Variants in LRRC51 observed in about 807,000 individuals in gnomAD.
LRRC51 encodes the protein leucine rich repeat containing 51, also known as leucine-rich repeat-containing protein 51.
Under a neutral mutation model 17.8 loss-of-function variants are expected in LRRC51, and 8 were observed. That is an observed-to-expected ratio of 0.45 (90% confidence interval 0.26 to 0.81). The LOEUF is 0.81. Among genes scored for constraint, LRRC51 ranks in the 30% least tolerant of loss-of-function variants. The pLI is 0.17. For synonymous variants in LRRC51, 92 were observed against 96.0 expected (o/e 0.96, Z 0.24); for missense variants, 233 against 239.3 (o/e 0.97, Z 0.17).
At chr11:72,086,176 T>G in intron 1 of LRRC51, 1 of 520,614 alleles carries the variant, frequency 1.9e-6, no homozygotes. Context: ...AAGAAAGGCT[T>G]TATAGAAGAG....
chr11:72,093,138 GTTAA>G (rs747377796), intron 3 of LRRC51, among the ~76,000 whole-genome samples: 2 of 152,208 alleles, frequency 1.3e-5, no homozygotes, highest in African/African-American at 2.4e-5. Flanking sequence ...TTTACCAGTA[GTTAA>G]TTCAGGATTT....
rs673478 is a variant in LRRC51 at position 72,088,058 on chromosome 11, G to A, written c.-139-239G>A. On this transcript the variant is annotated intron_variant, in intron 1 of 5. Transcript: ENST00000289488. ...AATGAGAAAGGGGAGGTCGACTGGG[G>A]CAAGTTCTTGTCCTTATCCTTGTCA... Among the ~76,000 whole-genome samples, 135,381 of 152,144 alleles carry A rather than the reference G, an allele frequency of 0.89. 60,475 individuals are homozygous for A. The highest frequency in any genetic ancestry group is 0.95 in the Non-Finnish European group (64,296 of 68,024).
At chr11:72,082,279 A>G (rs933765363) in intron 1 of LRRC51, among the ~76,000 whole-genome samples, 1 of 152,228 alleles carries the variant, frequency 6.6e-6, no homozygotes, top group African/African-American at 2.4e-5. Flanking sequence ...GACCATGATT[A>G]GCTGGTTTCT....
chr11:72,094,492 C>G (rs916693283), intron 4 of LRRC51: 11 of 578,154 alleles, frequency 1.9e-5, no homozygotes, highest in Non-Finnish European at 3.1e-5. Flanking sequence ...TTTTCTAGTC[C>G]AAGATCCCTA....
intron 3 of LRRC51, 137 bp downstream of exon 3, chr11:72,089,302 G>T: frequency 6.6e-7 from 1 of 1,519,924 alleles, no homozygotes; most frequent in Non-Finnish European, 8.9e-7. Flanking sequence ...CTGTCTTTTG[G>T]AGGGTAGGGG....
Position 72,096,678 on chromosome 11 carries a change from G to A in LRRC51, c.*1158G>A, listed in dbSNP as rs1279256284. On this transcript the variant is annotated 3_prime_UTR_variant, in exon 6 of 6. Coordinates refer to ENST00000289488, the MANE Select transcript of LRRC51 (RefSeq NM_145309.6). ...GCCCCTTTGTACTTTTCAGCTTAGA[G>A]ATTTGGGGGTTAAAGTAGATCAGTA... 1.3e-6 allele frequency: 2 copies of A among 1,547,242 alleles called. No homozygotes were observed. The highest frequency in any genetic ancestry group is 8.7e-7 in the Non-Finnish European group (1 of 1,144,994).
At chr11:72,081,585 G>A in intron 1 of LRRC51, among the ~76,000 whole-genome samples, 1 of 152,198 alleles carries the variant, frequency 6.6e-6, no homozygotes, top group East Asian at 1.9e-4. Flanking sequence ...GAGGAACTGA[G>A]ACCCTCTTCC....
intron 4 of LRRC51, among the ~76,000 whole-genome samples, chr11:72,093,920 T>C (rs1158203902): frequency 6.6e-6 from 1 of 152,230 alleles, no homozygotes; most frequent in African/African-American, 2.4e-5. Flanking sequence ...CTCTCAAAAC[T>C]GCAGCCTCCC....
chr11:72,093,624 G>A lies in LRRC51; in HGVS notation c.211G>A (p.Ala71Thr). The change falls in exon 4 of 6, where the codon GCT becomes ACT. Residue 71 changes from alanine (A) to threonine (T), a missense_variant. Coordinates refer to ENST00000289488, the MANE Select transcript of LRRC51 (RefSeq NM_145309.6). ...TGATCTGAGAGACTTCAACCAGGTG[G>A]CTTCACAGCTGTTGGAGCACCCAGA... is the stretch of plus-strand genomic sequence containing the variant. ...LNDLRDFNQVASQLLEHPENL... is the reference protein window; with the variant it reads ...LNDLRDFNQVTSQLLEHPENL... 6.2e-7 allele frequency: 1 copy of A among 1,614,194 alleles called. No homozygotes were observed. Among genetic ancestry groups the A allele is most frequent in the African/African-American group, 1.3e-5 (1 of 75,044 alleles).
At chr11:72,088,602 G>A (rs879772592) in intron 2 of LRRC51, 39 of 588,102 alleles carry the variant, frequency 6.6e-5, no homozygotes, top group Non-Finnish European at 2.4e-5. Context: ...TTAAGCAATA[G>A]AATAGCCCAG....
intron 2 of LRRC51, 136 bp downstream of exon 2, chr11:72,088,516 G>A: frequency 1.5e-6 from 1 of 664,528 alleles, no homozygotes; most frequent in Non-Finnish European, 2.8e-6. Context: ...GGAGAAGGTG[G>A]CAAATCCCCA....
chr11:72,093,823 A>C (rs1945001896), intron 4 of LRRC51, 122 bp downstream of exon 4: 2 of 979,354 alleles, frequency 2.0e-6, no homozygotes, highest in African/African-American at 3.2e-5. Flanking sequence ...AGTCCAAAGC[A>C]CAAGGCTAGG....
Position 72,096,731 on chromosome 11 carries a change from G to A in LRRC51, c.*1211G>A, listed in dbSNP as rs766097231. On this transcript the variant is annotated 3_prime_UTR_variant, in exon 6 of 6. Coordinates refer to ENST00000289488, the MANE Select transcript of LRRC51 (RefSeq NM_145309.6). ...TTCCAAACTCTTCACAGAGTACCAG[G>A]GTCTGTAGAGATGCCTCACAGGCCT... 2 of 1,537,600 alleles carry A rather than the reference G, an allele frequency of 1.3e-6. No homozygotes were observed. Among genetic ancestry groups the A allele is most frequent in the South Asian group, 2.5e-5 (2 of 81,576 alleles).
intron 4 of LRRC51, 108 bp from the exon 5 acceptor site, chr11:72,094,840 G>A: frequency 1.9e-6 from 3 of 1,608,448 alleles, no homozygotes; most frequent in African/African-American, 1.3e-5. Flanking sequence ...TTGGAGTGGA[G>A]GGCAGGTTGT....
At chr11:72,082,935 G>A (rs777669562) in intron 1 of LRRC51, among the ~76,000 whole-genome samples, 113 of 151,624 alleles carry the variant, frequency 7.5e-4, no homozygotes, top group Non-Finnish European at 1.4e-3. Context: ...GCGCAATCTC[G>A]GCTCACAGCA....
intron 1 of LRRC51, among the ~76,000 whole-genome samples, chr11:72,085,146 A>C (rs1012366503): frequency 6.6e-6 from 1 of 152,198 alleles, no homozygotes; most frequent in African/African-American, 2.4e-5. Flanking sequence ...CAGTCTGGAC[A>C]GATGAAGGTG....
chr11:72,085,269 C>T (rs1944469526), intron 1 of LRRC51: 2 of 152,214 alleles, frequency 1.3e-5, no homozygotes, highest in South Asian at 4.1e-4. Flanking sequence ...GTCAGTTCTC[C>T]CCAGCAGTCA....
rs1342235163 is a variant in LRRC51, at chr11:72,093,518, G to A, written c.105G>A (p.Arg35=). ...CAGATCTGGTAAATGAGGAGCCAAG[G>A]ACAGGACTACGACCACTGAAGCGTT... ...VIQDLVNEEP[R]TGLRPLKRSK... Residue 35 remains arginine, a synonymous_variant, in exon 4 of 6, where the codon AGG becomes AGA. Transcript: ENST00000289488. The A allele has an allele frequency of 1.2e-6, 2 of 1,613,782 alleles. No individual in the cohort carries two copies. Among genetic ancestry groups the A allele is most frequent in the Admixed American group, 3.3e-5 (2 of 59,930 alleles).
intron 1 of LRRC51, 63 bp downstream of exon 1, chr11:72,080,948 G>C (rs1311120673): frequency 6.6e-6 from 1 of 152,444 alleles, no homozygotes; most frequent in Non-Finnish European, 1.5e-5. Flanking sequence ...GAGAAGGGAG[G>C]GGCACTCACA....
Sources: gnomAD v4.1 joint callset for allele counts (sites outside exome capture counted in the v4.1 genomes callset) on GRCh38, gnomAD v4.1.1 for gene constraint, MANE v1.5 for transcripts, NCBI Gene and HGNC (gene_info 2026-07-23, HGNC 2026-07-21) for gene names.